Variants in CTXN2 observed in about 807,000 individuals in gnomAD.
The protein encoded by CTXN2 is cortexin-2.
Under a neutral mutation model 5.7 loss-of-function variants are expected in CTXN2, and 3 were observed. That is an observed-to-expected ratio of 0.53 (90% CI 0.24 to 1.36). CTXN2 has a LOEUF of 1.36. Among genes scored for constraint, CTXN2 ranks in the 40% most tolerant of loss-of-function variants. The pLI, the probability that CTXN2 is intolerant of heterozygous loss-of-function variation, is 0.17. For synonymous variants in CTXN2, 38 were observed against 36.4 expected, an observed-to-expected ratio of 1.04 and a Z score of -0.16; for missense variants, 87 against 93.0, an observed-to-expected ratio of 0.94 and a Z score of 0.26.
rs1018279195 is a variant in CTXN2 at position 48,201,855 on chromosome 15, G to A, written c.*309G>A. On this transcript the variant is annotated 3_prime_UTR_variant, in exon 2 of 2. Coordinates refer to ENST00000417307, the MANE Select transcript of CTXN2 (RefSeq NM_001145668.2). ...TTCCTTTCTTGTGCTAATAAACTGT[G>A]CCAAAGGCATCTTGCTCTCTCCCCT... is the stretch of plus-strand genomic sequence containing the variant. 1.8e-5 allele frequency: 6 copies of A among 331,066 alleles called. No individual in the cohort carries two copies. The highest frequency in any genetic ancestry group is 3.5e-5 in the Non-Finnish European group (6 of 169,824). The allele number at this position is 331,066 out of a possible 1,614,324, so 20.5% of individuals were successfully genotyped here.
At chr15:48,180,721 A>G (rs767196213) in intron 1 of CTXN2, among the ~76,000 whole-genome samples, 1 of 152,190 alleles carries the variant, frequency 6.6e-6, no homozygotes, top group South Asian at 2.1e-4. Flanking sequence ...CGTGTTAGCC[A>G]GGATGGTCTC....
At chr15:48,187,232 T>TA (rs551420420), upstream of CTXN2, among the ~76,000 whole-genome samples, 360 of 151,952 alleles carry the variant, frequency 2.4e-3, no homozygotes, top group Non-Finnish European at 4.4e-3. Flanking sequence ...AACACTCATA[T>TA]ACATAGGAGT....
intron 1 of CTXN2, among the ~76,000 whole-genome samples, chr15:48,179,116 C>T (rs527916255): frequency 6.6e-6 from 1 of 152,078 alleles, no homozygotes; most frequent in African/African-American, 2.4e-5. Flanking sequence ...ATTTTTCCCC[C>T]TAAGTATGAA....
chr15:48,191,584 C>T (rs1360280293), upstream of CTXN2: 1 of 408,446 alleles, frequency 2.4e-6, no homozygotes. Flanking sequence ...TATTTACACA[C>T]TGCCACACCG....
At chr15:48,187,883 A>T (rs924510752), upstream of CTXN2, among the ~76,000 whole-genome samples, 1 of 149,598 alleles carries the variant, frequency 6.7e-6, no homozygotes, top group Middle Eastern at 3.4e-3. Context: ...TAGGGTAACA[A>T]AGTGGTTTGA....
chr15:48,198,618 C>G (rs911728868), intron 1 of CTXN2, among the ~76,000 whole-genome samples: 36 of 152,080 alleles, frequency 2.4e-4, no homozygotes, highest in African/African-American at 8.4e-4. Flanking sequence ...TTGTTTTAAA[C>G]TAATAGTAAC....
intron 1 of CTXN2, among the ~76,000 whole-genome samples, chr15:48,200,197 A>G (rs2040916588): frequency 6.6e-6 from 1 of 152,216 alleles, no homozygotes. Context: ...AATAAAAAAG[A>G]AAATACCAAC....
intron 1 of CTXN2, among the ~76,000 whole-genome samples, chr15:48,179,518 C>G (rs555102363): frequency 4.1e-4 from 62 of 152,212 alleles, no homozygotes; most frequent in African/African-American, 1.4e-3. Context: ...TCATTCAACT[C>G]TGAGACATAA....
At chr15:48,179,121 T>G (rs1157101514) in intron 1 of CTXN2, among the ~76,000 whole-genome samples, 1 of 152,068 alleles carries the variant, frequency 6.6e-6, no homozygotes. Flanking sequence ...TCCCCCTAAG[T>G]ATGAAAAGGA....
intron 1 of CTXN2, among the ~76,000 whole-genome samples, chr15:48,184,499 T>A (rs1396628093): frequency 1.3e-5 from 2 of 152,066 alleles, no homozygotes; most frequent in African/African-American, 2.4e-5. Flanking sequence ...AGAACTTATA[T>A]CCAAAAACAA....
upstream of CTXN2, among the ~76,000 whole-genome samples, chr15:48,188,866 T>C (rs1275628631): frequency 6.6e-6 from 1 of 152,206 alleles, no homozygotes; most frequent in East Asian, 1.9e-4. Flanking sequence ...CTTTTTGCAG[T>C]TCTTCATCCC....
intron 1 of CTXN2, among the ~76,000 whole-genome samples, chr15:48,199,698 G>A (rs1329108768): frequency 6.6e-6 from 1 of 152,132 alleles, no homozygotes; most frequent in Non-Finnish European, 1.5e-5. Context: ...AGTCCTCTGT[G>A]CCTTTTACAG....
intron 1 of CTXN2, among the ~76,000 whole-genome samples, chr15:48,194,685 C>T (rs1465807756): frequency 1.3e-5 from 2 of 152,074 alleles, no homozygotes; most frequent in Non-Finnish European, 2.9e-5. Context: ...AGAGGCATTC[C>T]TTGGAGTTCC....
In CTXN2 at chr15:48,203,595, G is replaced by C. The variant is rs1032205791; in HGVS notation, c.*2049G>C. 6.0e-6 allele frequency: 1 copy of C among 166,258 alleles called. No homozygotes were observed. 10.3% of individuals were successfully genotyped at this position (166,258 alleles called of 1,614,324 possible). A position where few individuals can be genotyped will look rare whatever the true frequency, so the allele number is the denominator to read the frequency against. Reference sequence around the variant, plus strand: ...ATTTTGATGACTAGAACAAACCAAGGCCAGATCTTTATTTCAAAGGAAGAA... The same window carrying C: ...ATTTTGATGACTAGAACAAACCAAGCCCAGATCTTTATTTCAAAGGAAGAA... On this transcript the variant is annotated 3_prime_UTR_variant, in exon 2 of 2. Transcript: ENST00000417307.
chr15:48,196,822 C>T (rs2040884015), intron 1 of CTXN2, among the ~76,000 whole-genome samples: 1 of 151,910 alleles, frequency 6.6e-6, no homozygotes, highest in South Asian at 2.1e-4. Flanking sequence ...TTTTACAATT[C>T]CCCCTTACTC....
rs900042996 is a variant in CTXN2 at position 48,203,091 on chromosome 15, G to A, written c.*1545G>A. The A allele has an allele frequency of 1.2e-5, 2 of 167,008 alleles. No homozygotes were observed. The highest frequency in any genetic ancestry group is 4.8e-5 in the African/African-American group (2 of 41,428). The allele number at this position is 167,008 out of a possible 1,614,324, so 10.3% of individuals were successfully genotyped here. A position where few individuals can be genotyped will look rare whatever the true frequency, so the allele number is the denominator to read the frequency against. ...TTTGCAGAAGAGAAACTGAAGCTAA[G>A]AGAAATTAACTAGCTTCCCAAGGTC... On this transcript the variant is annotated 3_prime_UTR_variant, in exon 2 of 2. Coordinates refer to ENST00000417307, the MANE Select transcript of CTXN2 (RefSeq NM_001145668.2).
At chr15:48,188,852 TTATC>T (rs1423331184), upstream of CTXN2, among the ~76,000 whole-genome samples, 2 of 152,224 alleles carry the variant, frequency 1.3e-5, no homozygotes, top group Non-Finnish European at 1.5e-5. Context: ...ATTCTGTGTT[TTATC>T]TTTTTGCAGT....
At chr15:48,199,917 T>C (rs1187194093) in intron 1 of CTXN2, among the ~76,000 whole-genome samples, 3 of 152,214 alleles carry the variant, frequency 2.0e-5, no homozygotes, top group African/African-American at 4.8e-5. Context: ...GCCATAATTA[T>C]TGAATATTTC....
At chr15:48,192,364 G>T (rs2040832202) in intron 1 of CTXN2, 1 of 152,976 alleles carries the variant, frequency 6.5e-6, no homozygotes, top group South Asian at 2.1e-4. Context: ...GGGTTTAGGG[G>T]TGGATTCTGG....
Sources: allele counts gnomAD v4.1 joint callset (sites outside exome capture counted in the v4.1 genomes callset), GRCh38; gene constraint gnomAD v4.1.1; transcripts MANE v1.5; gene names NCBI Gene and HGNC (gene_info 2026-07-23, HGNC 2026-07-21).